PRELID2: variants seen among roughly 807,000 people sequenced by gnomAD.
The protein encoded by PRELID2 is PRELI domain-containing protein 2.
A neutral mutation model predicts 28.4 loss-of-function variants in PRELID2; 25 were observed. That is an observed-to-expected ratio of 0.88 (90% confidence interval 0.64 to 1.23). The LOEUF is 1.23. Among genes scored for constraint, PRELID2 ranks in the 50% most tolerant of loss-of-function variants. The probability of loss-of-function intolerance (pLI) is 0.00; values close to 1 mark genes in which losing one functional copy is unlikely to be tolerated. For synonymous variants in PRELID2, 76 were observed against 71.6 expected (o/e 1.06, Z -0.31); for missense variants, 201 against 214.4 (o/e 0.94, Z 0.39).
At chr5:145,473,408 C>T (rs908761421) in intron 1 of PRELID2, 5 of 152,038 alleles carry the variant, frequency 3.3e-5, no homozygotes, top group Non-Finnish European at 7.4e-5. Flanking sequence ...CATAGGATTC[C>T]AAAGCAGTAG....
chr5:145,388,162 T>C, the PRELID2 span, among the ~76,000 whole-genome samples: 7 of 152,122 alleles, frequency 4.6e-5, no homozygotes, highest in African/African-American at 1.7e-4. Context: ...AATTGAGTGT[T>C]TGAAAAATGG....
chr5:145,325,706 C>T, the PRELID2 span, among the ~76,000 whole-genome samples: 2 of 152,102 alleles, frequency 1.3e-5, no homozygotes, highest in Admixed American at 6.6e-5. Flanking sequence ...ACCTTATTCC[C>T]TTTCATTTAC....
chr5:145,745,320 T>G (rs1756959888), intron 1 of PRELID2, among the ~76,000 whole-genome samples: 1 of 152,056 alleles, frequency 6.6e-6, no homozygotes, highest in African/African-American at 2.4e-5. Flanking sequence ...TTCCCCAACC[T>G]AGCAAGACAG....
chr5:145,741,045 CAAATA>C (rs1251262893), intron 1 of PRELID2, among the ~76,000 whole-genome samples: 7 of 107,156 alleles, frequency 6.5e-5, no homozygotes, highest in Admixed American at 2.3e-4. Flanking sequence ...TATTTGTATA[CAAATA>C]AAATATGTAT....
At chr5:145,365,775 T>C in the PRELID2 span, among the ~76,000 whole-genome samples, 2 of 151,944 alleles carry the variant, frequency 1.3e-5, no homozygotes, top group Non-Finnish European at 2.9e-5. Context: ...AACAAGACTG[T>C]AGGACAAGAT....
At chr5:145,463,522 G>A in the PRELID2 span, among the ~76,000 whole-genome samples, 1 of 152,036 alleles carries the variant, frequency 6.6e-6, no homozygotes, top group Non-Finnish European at 1.5e-5. Flanking sequence ...CATTGAGCAA[G>A]TAGTCACATT....
chr5:145,464,480 G>A, the PRELID2 span, among the ~76,000 whole-genome samples: 3 of 152,110 alleles, frequency 2.0e-5, no homozygotes, highest in Non-Finnish European at 4.4e-5. Context: ...TAAGAAAAAG[G>A]CAAGAAGTCT....
At chr5:145,338,285 T>C in the PRELID2 span, 3 of 152,244 alleles carry the variant, frequency 2.0e-5, no homozygotes, top group Non-Finnish European at 2.9e-5. Context: ...CTGGATGTGA[T>C]GTTTGTATCT....
At chr5:145,594,995 G>T (rs1273758766) in intron 1 of PRELID2, among the ~76,000 whole-genome samples, 1 of 152,066 alleles carries the variant, frequency 6.6e-6, no homozygotes, top group African/African-American at 2.4e-5. Context: ...GGGTGTGGTG[G>T]CGGGTGCCTA....
intron 1 of PRELID2, among the ~76,000 whole-genome samples, chr5:145,823,761 T>C (rs1754989107): frequency 6.6e-6 from 1 of 152,204 alleles, no homozygotes; most frequent in Non-Finnish European, 1.5e-5. Flanking sequence ...TCAATAAATA[T>C]TTAACATGTT....
At chr5:145,780,834 A>T (rs1247625147) in intron 5 of PRELID2, among the ~76,000 whole-genome samples, 1 of 152,190 alleles carries the variant, frequency 6.6e-6, no homozygotes, top group Non-Finnish European at 1.5e-5. Flanking sequence ...ATTGGGACTC[A>T]ATAAGAAAGG....
At chr5:145,665,084 CTGAGATTT>C (rs1238207539) in intron 1 of PRELID2, among the ~76,000 whole-genome samples, 3 of 152,160 alleles carry the variant, frequency 2.0e-5, no homozygotes, top group South Asian at 4.1e-4. Flanking sequence ...CTCTTAGAGA[CTGAGATTT>C]CACCCAAAAT....
chr5:145,365,897 T>C, the PRELID2 span, among the ~76,000 whole-genome samples: 1 of 151,848 alleles, frequency 6.6e-6, no homozygotes, highest in Non-Finnish European at 1.5e-5. Context: ...ACATAAAAAA[T>C]AAGACTGACA....
chr5:145,655,316 C>T (rs10052746), intron 1 of PRELID2, among the ~76,000 whole-genome samples: 12,027 of 152,098 alleles, frequency 0.079, 1,192 homozygotes, highest in African/African-American at 0.23. Context: ...TGAAAATGGC[C>T]GTACTGCCCA....
chr5:145,564,147 C>T (rs749300921), intron 1 of PRELID2, among the ~76,000 whole-genome samples: 21 of 152,158 alleles, frequency 1.4e-4, no homozygotes, highest in Non-Finnish European at 1.0e-4. Flanking sequence ...ACCCATAAGC[C>T]AAAGCTTTTA....
intron 4 of PRELID2, among the ~76,000 whole-genome samples, chr5:145,797,703 C>T (rs1177627909): frequency 6.6e-6 from 1 of 152,062 alleles, no homozygotes; most frequent in Non-Finnish European, 1.5e-5. Flanking sequence ...CCCCCAGAAT[C>T]TCAAGCTAGG....
intron 1 of PRELID2, among the ~76,000 whole-genome samples, chr5:145,682,048 C>A: frequency 1.3e-5 from 2 of 150,208 alleles, no homozygotes; most frequent in Admixed American, 6.6e-5. Context: ...TTTTTAAAAC[C>A]ATAACTTGGA....
At chr5:145,738,020 G>A (rs1756547482) in intron 1 of PRELID2, among the ~76,000 whole-genome samples, 1 of 152,136 alleles carries the variant, frequency 6.6e-6, no homozygotes, top group Non-Finnish European at 1.5e-5. Context: ...GGCCAGATAG[G>A]GAGCAATAAT....
At chr5:145,749,411 G>A (rs1418808238) in intron 1 of PRELID2, among the ~76,000 whole-genome samples, 1 of 152,158 alleles carries the variant, frequency 6.6e-6, no homozygotes, top group Non-Finnish European at 1.5e-5. Flanking sequence ...AAACCACAAT[G>A]AGATACCATC....
Sources: allele counts gnomAD v4.1 joint callset (sites outside exome capture counted in the v4.1 genomes callset), GRCh38; gene constraint gnomAD v4.1.1; transcripts MANE v1.5; gene names NCBI Gene and HGNC (gene_info 2026-07-23, HGNC 2026-07-21).